The following GGT1 variants were observed in gnomAD, a reference collection of about 807,000 sequenced individuals.
GGT1 encodes the protein gamma-glutamyltransferase 1.
Under a neutral mutation model 56.0 loss-of-function variants are expected in GGT1, and 21 were observed. That is an observed-to-expected ratio of 0.38 (90% CI 0.27 to 0.54). The LOEUF (loss-of-function observed/expected upper bound fraction) is 0.54, where lower values mean the gene tolerates loss of function less well. Ranked by LOEUF, GGT1 falls within the 20% of genes least tolerant of loss-of-function variation. The pLI, the probability that GGT1 is intolerant of heterozygous loss-of-function variation, is 0.82. For missense variants in GGT1, 466 were observed against 787.0 expected (o/e 0.59, Z 4.88); for synonymous variants, 238 against 342.6 (o/e 0.69, Z 3.37).
At chr22:24,601,493 G>C (rs2045781947), upstream of GGT1, among the ~76,000 whole-genome samples, 1 of 152,222 alleles carries the variant, frequency 6.6e-6, no homozygotes, top group East Asian at 1.9e-4. Flanking sequence ...TCCCCTCTCA[G>C]GCTGCAGGTT....
At chr22:24,592,000 A>T (rs1214397730), upstream of GGT1, among the ~76,000 whole-genome samples, 1 of 152,102 alleles carries the variant, frequency 6.6e-6, no homozygotes, top group Non-Finnish European at 1.5e-5. Flanking sequence ...CCCTGGGGTG[A>T]CCACTTCGCT....
At chr22:24,625,883 G>A (rs199539970) in intron 11 of GGT1, among the ~76,000 whole-genome samples, 3 of 150,296 alleles carry the variant, frequency 2.0e-5, no homozygotes, top group African/African-American at 7.4e-5. Flanking sequence ...GTCCCACATC[G>A]TGGATTTGCC....
chr22:24,621,148 C>T, intron 9 of GGT1, 78 bp downstream of exon 9: 1 of 1,510,110 alleles, frequency 6.6e-7, no homozygotes, highest in Non-Finnish European at 8.9e-7. Context: ...GCTATGGGGT[C>T]CTCCTGTCTT....
At chr22:24,600,191 C>T (rs2045760447), upstream of GGT1, among the ~76,000 whole-genome samples, 1 of 152,214 alleles carries the variant, frequency 6.6e-6, no homozygotes, top group Non-Finnish European at 1.5e-5. Context: ...CTCCTACAGG[C>T]CTGGTGTTGG....
chr22:24,586,661 A>G, the GGT1 span, among the ~76,000 whole-genome samples: 1 of 152,224 alleles, frequency 6.6e-6, no homozygotes, highest in African/African-American at 2.4e-5. Context: ...CCTCCCAAGT[A>G]GCTGGGATTA....
chr22:24,596,914 CA>C (rs78452000), intron 1 of GGT1, among the ~76,000 whole-genome samples: 4,013 of 63,052 alleles, frequency 0.064, 79 homozygotes, highest in African/African-American at 0.21. Context: ...GACTCTGTCT[CA>C]AAAAAAAAAA....
At chr22:24,614,307 C>CCACTG (rs2046897027) in intron 5 of GGT1, among the ~76,000 whole-genome samples, 1 of 141,648 alleles carries the variant, frequency 7.1e-6, no homozygotes, top group African/African-American at 2.7e-5. Flanking sequence ...TGAGATCACA[C>CCACTG]CACTGCACTC....
chr22:24,628,379 C>T lies in GGT1; in HGVS notation c.1554C>T (p.Asn518=). Residue 518 remains asparagine (N), a synonymous_variant, in exon 15 of 16, where the codon AAC becomes AAT. Coordinates refer to ENST00000400382, the MANE Select transcript of GGT1 (RefSeq NM_001288833.2). The surrounding 1 kb of genome is among the most constrained non-coding windows in gnomAD (Gnocchi z 5.7). ...LLPNVTTVER[N]IDQAVTAALE... ...CCAACGTCACGACAGTGGAGAGAAACATTGACCAGGTGGGCCGGGGGTTGG... is the reference window on the plus strand; with the variant it reads ...CCAACGTCACGACAGTGGAGAGAAATATTGACCAGGTGGGCCGGGGGTTGG... 1.7e-5 allele frequency: 28 copies of T among 1,611,056 alleles called. No homozygotes were observed. The highest frequency in any genetic ancestry group is 2.4e-5 in the Non-Finnish European group (28 of 1,179,854).
intron 1 of GGT1, among the ~76,000 whole-genome samples, chr22:24,606,114 C>T (rs2330809): frequency 0.17 from 8,703 of 51,844 alleles, 2,434 homozygotes; most frequent in African/African-American, 0.56. Flanking sequence ...TATAATATAT[C>T]ATATAAATAT....
At chr22:24,593,888 T>C (rs564100392), upstream of GGT1, among the ~76,000 whole-genome samples, 1 of 152,214 alleles carries the variant, frequency 6.6e-6, no homozygotes, top group Non-Finnish European at 1.5e-5. Flanking sequence ...AAATATTTAC[T>C]GCCTCCTGCT....
chr22:24,625,260 C>T (rs1423392781), intron 11 of GGT1, among the ~76,000 whole-genome samples: 3 of 152,126 alleles, frequency 2.0e-5, no homozygotes, highest in Admixed American at 1.3e-4. Flanking sequence ...ACAGTAGGCT[C>T]CCTTGGCTGT....
the GGT1 span, chr22:24,585,491 GGGAC>G: frequency 4.3e-6 from 1 of 230,176 alleles, no homozygotes; most frequent in Non-Finnish European, 8.6e-6. Flanking sequence ...GACTCCATGG[GGGAC>G]TTGCCCAAAG....
intron 5 of GGT1, among the ~76,000 whole-genome samples, chr22:24,614,021 T>A (rs1463201966): frequency 6.6e-6 from 1 of 151,492 alleles, no homozygotes; most frequent in Admixed American, 6.6e-5. Context: ...CTGCACTTCA[T>A]CCTGGGTGAC....
Position 24,608,052 on chromosome 22 carries a change from G to T in GGT1, c.-359+29G>T, listed in dbSNP as rs76650813. The T allele has an allele frequency of 8.8e-3, 4,096 of 466,260 alleles. 30 individuals carry two copies. The highest frequency in any genetic ancestry group is 0.016 in the South Asian group (1,008 of 64,162). The allele number at this position is 466,260 out of a possible 1,614,324, so 28.9% of individuals were successfully genotyped here. On this transcript the variant is annotated intron_variant, in intron 2 of 15. Coordinates refer to ENST00000400382, the MANE Select transcript of GGT1 (RefSeq NM_001288833.2). ...AGCCCATCAGGGTCCCAAGGAAGGG[G>T]GTCTGGGTTTGAGGCCAACCATGGC... is the stretch of plus-strand genomic sequence containing the variant.
rs770567986 is a variant in GGT1, at chr22:24,614,766, C to T, written c.165-10C>T. ...TGCAGGTTCTCATGCCTTTATGTGCCACATGGCAGGGATGCACTGCGGGAC... is the reference window on the plus strand; with the variant it reads ...TGCAGGTTCTCATGCCTTTATGTGCTACATGGCAGGGATGCACTGCGGGAC... On this transcript the variant is annotated splice_polypyrimidine_tract_variant and intron_variant, in intron 5 of 15. Coordinates refer to ENST00000400382, the MANE Select transcript of GGT1 (RefSeq NM_001288833.2). 8.1e-6 allele frequency: 13 copies of T among 1,613,190 alleles called. No individual in the cohort carries two copies. Among genetic ancestry groups the T allele is most frequent in the Admixed American group, 5.0e-5 (3 of 59,968 alleles).
Position 24,610,949 on chromosome 22 carries a change from T to C in GGT1, c.-7-126T>C, listed in dbSNP as rs370160909. On this transcript the variant is annotated intron_variant, in intron 4 of 15. Transcript: ENST00000400382. ...GGGGCCGGACAGCCTGCACGTATTC[T>C]GGGAAGCGGGAAGGAGACACAGGCC... is the stretch of plus-strand genomic sequence containing the variant. 0.16 allele frequency: 120,994 copies of C among 771,240 alleles called. 10,203 individuals are homozygous for C. The highest frequency in any genetic ancestry group is 0.19 in the Non-Finnish European group (87,700 of 462,618). 47.8% of individuals were successfully genotyped at this position (771,240 alleles called of 1,614,324 possible).
chr22:24,601,194 C>T (rs9624505), upstream of GGT1, among the ~76,000 whole-genome samples: 60 of 148,448 alleles, frequency 4.0e-4, 1 homozygote, highest in Middle Eastern at 0.014. Flanking sequence ...GGCCAGGCAC[C>T]GCTTGCATCT....
intron 5 of GGT1, among the ~76,000 whole-genome samples, chr22:24,612,903 G>A (rs2046811520): frequency 6.6e-6 from 1 of 152,098 alleles, no homozygotes; most frequent in Non-Finnish European, 1.5e-5. Context: ...ATAGCCCACT[G>A]CAGCCTCAAA....
At position 24,628,669 on chromosome 22, in the gene GGT1, C is replaced by A; in HGVS notation, c.1564-24C>A. The A allele has an allele frequency of 1.2e-6, 2 of 1,610,850 alleles. No individual in the cohort carries two copies. The highest frequency in any genetic ancestry group is 2.3e-4 in the Middle Eastern group (1 of 4,444). On this transcript the variant is annotated intron_variant, in intron 15 of 15. Transcript: ENST00000400382. The surrounding 1 kb of genome is among the most constrained non-coding windows in gnomAD (Gnocchi z 5.7). ...GGTGGCATCTGGAGCCCTGCTCAGG[C>A]TTCCCCTCTCCTCCCACCCCCAGGC...
Sources: allele counts gnomAD v4.1 joint callset (sites outside exome capture counted in the v4.1 genomes callset), GRCh38; gene constraint gnomAD v4.1.1; non-coding constraint Gnocchi (gnomAD v3.1); transcripts MANE v1.5; gene names NCBI Gene and HGNC (gene_info 2026-07-23, HGNC 2026-07-21).